Variants in MFSD8 observed in about 807,000 individuals in gnomAD.
MFSD8 encodes major facilitator superfamily domain-containing protein 8.
A neutral mutation model predicts 66.4 loss-of-function variants in MFSD8; 55 were observed. That is an observed-to-expected ratio of 0.83 (90% CI 0.67 to 1.04). MFSD8 has a LOEUF of 1.04. Ranked by LOEUF, MFSD8 falls within the 50% of genes least tolerant of loss-of-function variation. MFSD8 has a pLI of 0.00. For missense variants in MFSD8, 550 were observed against 627.6 expected, an observed-to-expected ratio of 0.88 and a Z score of 1.32; for synonymous variants, 202 against 212.8, an observed-to-expected ratio of 0.95 and a Z score of 0.44.
intron 9 of MFSD8, among the ~76,000 whole-genome samples, chr4:127,927,227 T>A (rs1737359801): frequency 6.6e-6 from 1 of 151,978 alleles, no homozygotes; most frequent in African/African-American, 2.4e-5. Flanking sequence ...ACTCTTGTCA[T>A]CCAGGCTGGA....
chr4:127,942,745 C>T (rs958496475), intron 4 of MFSD8, among the ~76,000 whole-genome samples: 3 of 151,232 alleles, frequency 2.0e-5, no homozygotes, highest in Admixed American at 6.6e-5. Flanking sequence ...ATTACTACAA[C>T]TGTTTTTAAA....
intron 9 of MFSD8, among the ~76,000 whole-genome samples, chr4:127,926,193 C>T (rs1181800108): frequency 7.9e-6 from 1 of 126,276 alleles, no homozygotes; most frequent in Non-Finnish European, 1.7e-5. Flanking sequence ...ATGTAACAAA[C>T]CTGCACATAT....
At chr4:127,944,983 G>A (rs1343956206) in intron 3 of MFSD8, among the ~76,000 whole-genome samples, 11 of 152,274 alleles carry the variant, frequency 7.2e-5, no homozygotes, top group African/African-American at 1.9e-4. Context: ...ATGAGCCACC[G>A]CACTCAGCCA....
chr4:127,959,919 T>C (rs891531445), intron 1 of MFSD8, among the ~76,000 whole-genome samples: 4 of 152,208 alleles, frequency 2.6e-5, no homozygotes, highest in African/African-American at 7.2e-5. Flanking sequence ...TTCAGACAAA[T>C]ATGTCACATA....
intron 7 of MFSD8, among the ~76,000 whole-genome samples, chr4:127,934,941 G>GATC: frequency 6.7e-6 from 1 of 148,920 alleles, no homozygotes; most frequent in African/African-American, 2.5e-5. Flanking sequence ...GTTGTTGTTA[G>GATC]TGGGTGGGTG....
intron 9 of MFSD8, among the ~76,000 whole-genome samples, chr4:127,923,582 A>G (rs1736705476): frequency 6.9e-6 from 1 of 144,214 alleles, no homozygotes; most frequent in Non-Finnish European, 1.5e-5. Context: ...TATTATTATT[A>G]TTATTATTAT....
rs533296299 is a variant in MFSD8, at chr4:127,924,737, A to G, written c.999-2774T>C. Among the ~76,000 whole-genome samples, 45 of 152,320 alleles carry G rather than the reference A, an allele frequency of 3.0e-4. 1 individual carries two copies. In the South Asian group the frequency reaches 6.0e-3, roughly 20 times the overall value. On this transcript the variant is annotated intron_variant, in intron 9 of 11. Transcript: ENST00000641686. ...ACTTTCTTCACAGAATTAGAAAAAA[A>G]CTACTTTAAATTTCATACGGAACCA... is the stretch of plus-strand genomic sequence containing the variant.
chr4:127,933,157 T>C (rs1292440956), intron 7 of MFSD8, 64 bp from the exon 8 acceptor site: 1 of 1,351,298 alleles, frequency 7.4e-7, no homozygotes, highest in African/African-American at 1.5e-5. Context: ...GACATTAAAG[T>C]AATGTAGAAA....
chr4:127,928,662 C>A (rs1010646280), intron 9 of MFSD8, among the ~76,000 whole-genome samples: 21 of 152,118 alleles, frequency 1.4e-4, no homozygotes, highest in Non-Finnish European at 2.6e-4. Flanking sequence ...ATTAGTAAAA[C>A]CACTATGGAA....
At chr4:127,943,116 C>T (rs1400406277) in intron 4 of MFSD8, among the ~76,000 whole-genome samples, 1 of 151,746 alleles carries the variant, frequency 6.6e-6, no homozygotes, top group Non-Finnish European at 1.5e-5. Flanking sequence ...ACTCGGGAGG[C>T]TGAGGCAGGA....
In MFSD8 at chr4:127,920,583, C is replaced by G. The variant is rs1463977412; in HGVS notation, c.*47G>C. Reference sequence around the variant, plus strand: ...GCAATTGTCTAGCAGAGCTTTAGACCAGGAAGTGCCACACAGCAAGTAGTT... The same window carrying G: ...GCAATTGTCTAGCAGAGCTTTAGACGAGGAAGTGCCACACAGCAAGTAGTT... On this transcript the variant is annotated 3_prime_UTR_variant, in exon 12 of 12. Transcript: ENST00000641686. 5.7e-6 allele frequency: 9 copies of G among 1,591,814 alleles called. No individual in the cohort carries two copies. The highest frequency in any genetic ancestry group is 7.7e-6 in the Non-Finnish European group (9 of 1,161,426).
intron 5 of MFSD8, among the ~76,000 whole-genome samples, chr4:127,940,821 A>G (rs192490496): frequency 3.4e-4 from 52 of 152,134 alleles, no homozygotes; most frequent in Non-Finnish European, 1.0e-4. Flanking sequence ...GCTCTATAGT[A>G]ATTCACATAT....
chr4:127,939,184 T>G (rs189840927), intron 6 of MFSD8: 7 of 167,462 alleles, frequency 4.2e-5, no homozygotes, highest in Non-Finnish European at 7.7e-5. Context: ...TTTAAAAAAT[T>G]TTTTCGAATA....
rs768488730 is a variant in MFSD8 at position 127,921,940 on chromosome 4, A to G, written c.1022T>C (p.Leu341Pro). The change falls in exon 10 of 12, where the codon CTG becomes CCG. Residue 341 changes from leucine to proline, a missense_variant. Transcript: ENST00000641686. ...SKKIGERAILLGGLIVVWVGF... is the reference protein window; with the variant it reads ...SKKIGERAILPGGLIVVWVGF... ...AACCCATACAACGATGAGTCCTCCC[A>G]GTAGAATAGCACGCTCGCCAATCCT... The G allele has an allele frequency of 1.9e-6, 3 of 1,614,068 alleles. No homozygotes were observed. The highest frequency in any genetic ancestry group is 1.1e-5 in the South Asian group (1 of 91,086).
At chr4:127,961,820 CA>C (rs4000711) in intron 1 of MFSD8, among the ~76,000 whole-genome samples, 276 of 80,562 alleles carry the variant, frequency 3.4e-3, no homozygotes, top group African/African-American at 0.014. Flanking sequence ...GACTCCGTCT[CA>C]AAAAAAAAAA....
Position 127,921,885 on chromosome 4 carries a change from AT to A in MFSD8, c.1076del (p.Asn359IlefsTer55). ...CTTCCCACTGTATTTTGGGAAATTG[AT>A]TTCCCCAAGGTAACAAGATAAAGAA... ...VGFFILLPWG[N>X]QFPKIQWEDL... On this transcript the variant is annotated frameshift_variant, in exon 10 of 12. Coordinates refer to ENST00000641686, the MANE Select transcript of MFSD8 (RefSeq NM_001371596.2). LOFTEE classifies it high-confidence loss of function. The A allele has an allele frequency of 1.2e-6, 2 of 1,614,162 alleles. No individual in the cohort carries two copies. Among genetic ancestry groups the A allele is most frequent in the Non-Finnish European group, 1.7e-6 (2 of 1,180,016 alleles).
chr4:127,951,822 G>A lies in MFSD8; in HGVS notation c.155-1975C>T, dbSNP rs953411927. 2.0e-5 allele frequency among the ~76,000 whole-genome samples: 3 copies of A among 149,652 alleles called. No individual in the cohort carries two copies. The South Asian group carries it at 6.4e-4, about 32-fold the overall frequency. ...CGGCTCATTGCAATCTCCGCCTCCC[G>A]GGTTCAAGCAATTCTCACACCTCAG... is the stretch of plus-strand genomic sequence containing the variant. On this transcript the variant is annotated intron_variant, in intron 2 of 11. Transcript: ENST00000641686.
chr4:127,943,911 A>G lies in MFSD8; in HGVS notation c.280T>C (p.Phe94Leu). Residue 94 changes from phenylalanine to leucine, a missense_variant, in exon 4 of 12, where the codon TTT (phenylalanine) becomes CTT (leucine). Phe to Leu is a conservative substitution (Grantham distance 22). Coordinates refer to ENST00000641686, the MANE Select transcript of MFSD8 (RefSeq NM_001371596.2). The part of the protein sequence containing the change: ...SLGQMVASPI[F>L]GLWSNYRPRK... ...GGTCTATAATTAGACCATAAACCAA[A>G]TATAGGTGAAGCTACCATTTGGCCA... 1 of 1,614,196 alleles carries G rather than the reference A, an allele frequency of 6.2e-7. No homozygotes were observed. Among genetic ancestry groups the G allele is most frequent in the Non-Finnish European group, 8.5e-7 (1 of 1,180,036 alleles).
chr4:127,948,780 A>G (rs1741478668), intron 3 of MFSD8, among the ~76,000 whole-genome samples: 1 of 152,148 alleles, frequency 6.6e-6, no homozygotes, highest in African/African-American at 2.4e-5. Context: ...CAGCCCCTTC[A>G]TCATGTGATG....
Sources: gnomAD v4.1 joint callset for allele counts (sites outside exome capture counted in the v4.1 genomes callset) on GRCh38, gnomAD v4.1.1 for gene constraint, MANE v1.5 for transcripts, NCBI Gene and HGNC (gene_info 2026-07-23, HGNC 2026-07-21) for gene names.